The following TIAM1 variants were observed in gnomAD, a reference collection of about 807,000 sequenced individuals.
The protein encoded by TIAM1 is TIAM Rac1 associated GEF 1.
Under a neutral mutation model 163.5 loss-of-function variants are expected in TIAM1, and 65 were observed. The ratio of observed to expected loss-of-function variants is 0.40; its 90% confidence interval spans 0.33 to 0.49. The LOEUF is 0.49. Ranked by LOEUF, TIAM1 falls within the 20% of genes least tolerant of loss-of-function variation. TIAM1 has a pLI of 0.77. For synonymous variants in TIAM1, 833 were observed against 810.1 expected (o/e 1.03, Z -0.48); for missense variants, 1,789 against 2,044.7 (o/e 0.87, Z 2.41).
At chr21:31,231,338 G>A (rs2088413765) in intron 6 of TIAM1, among the ~76,000 whole-genome samples, 1 of 152,182 alleles carries the variant, frequency 6.6e-6, no homozygotes, top group South Asian at 2.1e-4. Context: ...AACAGGGGAT[G>A]CCTCAAACAT....
At chr21:31,511,525 C>G (rs766488721) in intron 1 of TIAM1, among the ~76,000 whole-genome samples, 7 of 152,168 alleles carry the variant, frequency 4.6e-5, no homozygotes, top group Admixed American at 1.3e-4. Flanking sequence ...ATAATAGTAT[C>G]TAGCTCATCC....
In TIAM1 at chr21:31,328,366, G is replaced by A. The variant is rs185982186; in HGVS notation, c.-189+10877C>T. Among the ~76,000 whole-genome samples the A allele has an allele frequency of 4.9e-4, 74 of 151,962 alleles. 2 individuals are homozygous for A. In the East Asian group the frequency reaches 9.7e-3, roughly 20 times the overall value. Reference sequence around the variant, plus strand: ...AAATGATTGTGCCTGTACTTAACACGTACATATTTTATTTTATTTTTTGAG... The same window carrying A: ...AAATGATTGTGCCTGTACTTAACACATACATATTTTATTTTATTTTTTGAG... On this transcript the variant is annotated intron_variant, in intron 2 of 27. Coordinates refer to ENST00000541036, the MANE Select transcript of TIAM1 (RefSeq NM_001353694.2).
chr21:31,443,918 C>T (rs1429770541), intron 2 of TIAM1, among the ~76,000 whole-genome samples: 1 of 152,156 alleles, frequency 6.6e-6, no homozygotes, highest in Non-Finnish European at 1.5e-5. Flanking sequence ...AAACATCAGA[C>T]AGAGCTGGCT....
At chr21:31,550,777 G>A (rs571172671) in intron 1 of TIAM1, among the ~76,000 whole-genome samples, 1 of 152,314 alleles carries the variant, frequency 6.6e-6, no homozygotes, top group African/African-American at 2.4e-5. Flanking sequence ...CAGGAAGAAA[G>A]TTAAGGAGAA....
intron 2 of TIAM1, among the ~76,000 whole-genome samples, chr21:31,299,135 A>G (rs2074408071): frequency 6.6e-6 from 1 of 152,246 alleles, no homozygotes; most frequent in Non-Finnish European, 1.5e-5. Context: ...TGTTATGAAC[A>G]CAGTGCATCC....
At chr21:31,383,095 C>A (rs1316093683) in intron 2 of TIAM1, among the ~76,000 whole-genome samples, 1 of 151,994 alleles carries the variant, frequency 6.6e-6, no homozygotes, top group Non-Finnish European at 1.5e-5. Flanking sequence ...TGAAAATTAG[C>A]CTGGCGTGGT....
intron 2 of TIAM1, among the ~76,000 whole-genome samples, chr21:31,337,538 T>C (rs1421010434): frequency 6.6e-6 from 1 of 150,676 alleles, no homozygotes; most frequent in Non-Finnish European, 1.5e-5. Flanking sequence ...TTATTATTAT[T>C]ATTATTATTT....
At chr21:31,265,633 G>A (rs1356779093) in intron 4 of TIAM1, among the ~76,000 whole-genome samples, 2 of 152,088 alleles carry the variant, frequency 1.3e-5, no homozygotes, top group Admixed American at 1.3e-4. Context: ...TAAGTTCCAA[G>A]AGTCTGCAAC....
rs8128719 is a variant in TIAM1, at chr21:31,135,125, T to C, written c.3883+808A>G. 4.7e-3 allele frequency among the ~76,000 whole-genome samples: 715 copies of C among 151,968 alleles called. 2 individuals carry two copies. Among genetic ancestry groups the C allele is most frequent in the African/African-American group, 0.016 (672 of 41,218 alleles). On this transcript the variant is annotated intron_variant, in intron 23 of 27. Transcript: ENST00000541036. ...ATTATGTTCCTACCCATGAGTCTTT[T>C]AGCAAGAGGCTAGGACAAAACGCAA...
chr21:31,447,350 T>C (rs2044664833), intron 2 of TIAM1, among the ~76,000 whole-genome samples: 1 of 152,092 alleles, frequency 6.6e-6, no homozygotes, highest in South Asian at 2.1e-4. Context: ...GTGGGAAGAC[T>C]GCTTGAGCAT....
At chr21:31,386,444 C>G (rs1044095197) in intron 2 of TIAM1, among the ~76,000 whole-genome samples, 1 of 152,122 alleles carries the variant, frequency 6.6e-6, no homozygotes, top group African/African-American at 2.4e-5. Context: ...CCAAAAGACC[C>G]ATAGAAGATT....
chr21:31,125,646 C>T (rs2082168788), intron 26 of TIAM1, among the ~76,000 whole-genome samples: 1 of 152,226 alleles, frequency 6.6e-6, no homozygotes, highest in South Asian at 2.1e-4. Flanking sequence ...ATGATCTTGG[C>T]TCATTGCAAC....
rs142011078 is a variant in TIAM1, at chr21:31,266,100, A to G, written c.873T>C (p.Cys291=). 1.8e-4 allele frequency: 294 copies of G among 1,614,188 alleles called. No individual in the cohort carries two copies. In the African/African-American group the frequency reaches 3.1e-3, roughly 17 times the overall value. Residue 291 remains cysteine (C), a synonymous_variant, in exon 4 of 28, where the codon TGT becomes TGC. Coordinates refer to ENST00000541036, the MANE Select transcript of TIAM1 (RefSeq NM_001353694.2). Reference sequence around the variant, plus strand: ...CTTCAGAGAGACAGTGAGATTTCCTACAGGGAAGTGTGTTATAATTACTGT... The same window carrying G: ...CTTCAGAGAGACAGTGAGATTTCCTGCAGGGAAGTGTGTTATAATTACTGT... ...PPYSNYNTLP[C]RKSHCLSEGA...
intron 1 of TIAM1, among the ~76,000 whole-genome samples, chr21:31,532,028 G>T (rs944502251): frequency 1.3e-5 from 2 of 152,058 alleles, no homozygotes; most frequent in African/African-American, 4.8e-5. Context: ...GAGGTAGGAG[G>T]ATTCCTTGAG....
chr21:31,266,932 T>C lies in TIAM1; in HGVS notation c.41A>G (p.Tyr14Cys), dbSNP rs771444699. The C allele has an allele frequency of 5.0e-6, 8 of 1,610,722 alleles. No homozygotes were observed. In the Admixed American group the frequency reaches 1.0e-4, roughly 20 times the overall value. Residue 14 changes from tyrosine to cysteine, a missense_variant, in exon 4 of 28, where the codon TAT (tyrosine) becomes TGT (cysteine). Around this residue, in one of 5 missense-constraint regions of TIAM1, gnomAD observed 555 missense variants for 564.9 expected, o/e 0.98. Transcript: ENST00000541036. Reference protein sequence around the residue: ...AESQHVEHEFYGEKHASLGRK... With the variant: ...AESQHVEHEFCGEKHASLGRK... ...CCCCAGGCTGGCATGCTTTTCTCCA[T>C]AAAACTCGTGCTCTACATGTTGACT...
intron 10 of TIAM1, among the ~76,000 whole-genome samples, chr21:31,210,466 C>T (rs867526668): frequency 9.1e-5 from 13 of 142,082 alleles, no homozygotes; most frequent in Middle Eastern, 3.8e-3. Context: ...TAGGTGATCA[C>T]GGCATGAATG....
intron 1 of TIAM1, among the ~76,000 whole-genome samples, chr21:31,556,910 A>G (rs1344165262): frequency 6.6e-6 from 1 of 152,194 alleles, no homozygotes; most frequent in Non-Finnish European, 1.5e-5. Flanking sequence ...CCAACAATTT[A>G]CCAAACTTCT....
intron 5 of TIAM1, 150 bp from the exon 6 acceptor site, chr21:31,245,810 C>T: frequency 4.0e-6 from 3 of 749,432 alleles, no homozygotes; most frequent in Non-Finnish European, 5.5e-6. Context: ...CAGGCTTGGA[C>T]TCAAGTCTTG....
chr21:31,456,744 C>T (rs2045117522), intron 2 of TIAM1, among the ~76,000 whole-genome samples: 1 of 152,156 alleles, frequency 6.6e-6, no homozygotes, highest in South Asian at 2.1e-4. Flanking sequence ...AGAAAATAAG[C>T]ATCCTATTCT....
Sources: allele counts gnomAD v4.1 joint callset (sites outside exome capture counted in the v4.1 genomes callset), GRCh38; gene constraint gnomAD v4.1.1; regional missense constraint gnomAD v4.1.1; transcripts MANE v1.5; gene names NCBI Gene and HGNC (gene_info 2026-07-23, HGNC 2026-07-21).